SLC35F1: variants seen among roughly 807,000 people sequenced by gnomAD.
SLC35F1 encodes solute carrier family 35 member F1.
In SLC35F1, 14 loss-of-function variants were observed where a neutral mutation model predicts 48.7. The observed-to-expected ratio is 0.29, with a 90% CI of 0.19 to 0.45. The LOEUF is 0.45. Ranked by LOEUF, SLC35F1 falls within the 20% of genes least tolerant of loss-of-function variation. SLC35F1 has a pLI of 1.00. For missense variants in SLC35F1, 404 were observed against 500.0 expected (o/e 0.81, Z 1.83); for synonymous variants, 190 against 202.2 (o/e 0.94, Z 0.51).
intron 2 of SLC35F1, among the ~76,000 whole-genome samples, chr6:118,155,873 C>G (rs1191675765): frequency 6.6e-6 from 1 of 152,132 alleles, no homozygotes; most frequent in African/African-American, 2.4e-5. Context: ...ATGTATAAGA[C>G]TATCAGTATT....
intron 3 of SLC35F1, 119 bp downstream of exon 3, chr6:118,235,755 C>T (rs1054510871): frequency 1.1e-5 from 11 of 972,276 alleles, no homozygotes; most frequent in Non-Finnish European, 1.6e-5. Flanking sequence ...CTATAGTATA[C>T]AGACTGCAGT....
intron 2 of SLC35F1, among the ~76,000 whole-genome samples, chr6:118,188,174 G>A (rs1037347148): frequency 3.9e-5 from 6 of 152,222 alleles, no homozygotes; most frequent in Non-Finnish European, 8.8e-5. Flanking sequence ...CAGATTCTCA[G>A]AAAATTCCTT....
At chr6:118,067,023 A>G (rs569412836) in intron 1 of SLC35F1, among the ~76,000 whole-genome samples, 1 of 152,306 alleles carries the variant, frequency 6.6e-6, no homozygotes, top group African/African-American at 2.4e-5. Flanking sequence ...TTTGAGAAAC[A>G]CTGAACTAGG....
In SLC35F1 at chr6:118,241,578, C is replaced by CGTGTGT. The variant is rs10570595; in HGVS notation, c.477+5967_477+5972dup. ...TTCAGTTTTCATACATTTTTACCTT[C>CGTGTGT]GTGTGTGTGTGTGTGTGTGTGTGTG... On this transcript the variant is annotated intron_variant, in intron 3 of 7. Coordinates refer to ENST00000360388, the MANE Select transcript of SLC35F1 (RefSeq NM_001029858.4). Among the ~76,000 whole-genome samples, 654 of 147,364 alleles carry CGTGTGT rather than the reference C, an allele frequency of 4.4e-3. 3 individuals carry two copies. Among genetic ancestry groups the CGTGTGT allele is most frequent in the East Asian group, 0.02 (101 of 4,968 alleles).
intron 1 of SLC35F1, among the ~76,000 whole-genome samples, chr6:118,099,794 T>A (rs184048472): frequency 7.5e-4 from 114 of 152,312 alleles, no homozygotes; most frequent in African/African-American, 2.7e-3. Context: ...TGTGGTTCGC[T>A]GTAACACATG....
chr6:117,941,724 T>A (rs1776235677), intron 1 of SLC35F1, among the ~76,000 whole-genome samples: 1 of 152,228 alleles, frequency 6.6e-6, no homozygotes, highest in Non-Finnish European at 1.5e-5. Flanking sequence ...TGTTCAAGTA[T>A]CACTAAAAAT....
At chr6:118,167,856 A>G (rs1774341945) in intron 2 of SLC35F1, among the ~76,000 whole-genome samples, 1 of 152,174 alleles carries the variant, frequency 6.6e-6, no homozygotes, top group African/African-American at 2.4e-5. Context: ...CCACCATTGT[A>G]TACACAGTCA....
At chr6:118,180,248 C>T (rs988449464) in intron 2 of SLC35F1, among the ~76,000 whole-genome samples, 2 of 152,044 alleles carry the variant, frequency 1.3e-5, no homozygotes, top group African/African-American at 2.4e-5. Context: ...TACAGATCCT[C>T]TGGAAGAATG....
intron 2 of SLC35F1, among the ~76,000 whole-genome samples, chr6:118,197,184 C>T (rs1294201514): frequency 6.6e-6 from 1 of 152,200 alleles, no homozygotes; most frequent in Non-Finnish European, 1.5e-5. Flanking sequence ...ATTGAATCAG[C>T]TGATTTCCTC....
At chr6:117,978,332 C>T (rs566037290) in intron 1 of SLC35F1, among the ~76,000 whole-genome samples, 1 of 151,264 alleles carries the variant, frequency 6.6e-6, no homozygotes, top group East Asian at 2.0e-4. Flanking sequence ...ATAAATCTTA[C>T]CAGATTACCA....
intron 1 of SLC35F1, among the ~76,000 whole-genome samples, chr6:118,071,180 ATGTGTGTATATACACACATAG>A (rs1772717984): frequency 7.0e-6 from 1 of 143,354 alleles, no homozygotes; most frequent in Non-Finnish European, 1.5e-5. Context: ...TATATATACT[ATGTGTGTATATACACACATAG>A]TATATATATA....
intron 1 of SLC35F1, among the ~76,000 whole-genome samples, chr6:118,131,460 G>C (rs1773711159): frequency 6.6e-6 from 1 of 151,992 alleles, no homozygotes; most frequent in African/African-American, 2.4e-5. Context: ...TAACATTTAG[G>C]TCATTTTCAA....
chr6:118,109,816 C>T (rs1773374644), intron 1 of SLC35F1, among the ~76,000 whole-genome samples: 1 of 152,140 alleles, frequency 6.6e-6, no homozygotes. Context: ...TGCTTAGTGA[C>T]CCAGTGCAGT....
intron 3 of SLC35F1, among the ~76,000 whole-genome samples, chr6:118,261,685 G>A (rs777042684): frequency 6.6e-6 from 1 of 152,110 alleles, no homozygotes; most frequent in Non-Finnish European, 1.5e-5. Flanking sequence ...TTGCAGGAAA[G>A]AGCCAGAGAA....
At chr6:118,092,512 A>T (rs1773090214) in intron 1 of SLC35F1, among the ~76,000 whole-genome samples, 2 of 152,342 alleles carry the variant, frequency 1.3e-5, no homozygotes, top group South Asian at 4.1e-4. Context: ...CCACTGGGGC[A>T]CTGCATAGTA....
At chr6:118,113,719 C>T (rs1773440012) in intron 1 of SLC35F1, among the ~76,000 whole-genome samples, 1 of 152,176 alleles carries the variant, frequency 6.6e-6, no homozygotes, top group African/African-American at 2.4e-5. Flanking sequence ...CTTTCAGTTT[C>T]TTTAACTTTT....
At chr6:118,277,416 T>C in intron 5 of SLC35F1, 78 bp from the exon 6 acceptor site, 1 of 1,277,436 alleles carries the variant, frequency 7.8e-7, no homozygotes, top group South Asian at 1.2e-5. Flanking sequence ...ATCTGATAAG[T>C]GGGGGGGAAA....
intron 2 of SLC35F1, among the ~76,000 whole-genome samples, chr6:118,218,947 G>A (rs1775109091): frequency 6.6e-6 from 1 of 152,138 alleles, no homozygotes; most frequent in South Asian, 2.1e-4. Context: ...CATTTTTCAA[G>A]AAAGACAATT....
intron 3 of SLC35F1, among the ~76,000 whole-genome samples, chr6:118,240,505 G>A (rs1775424689): frequency 6.6e-6 from 1 of 152,166 alleles, no homozygotes; most frequent in Admixed American, 6.5e-5. Flanking sequence ...CACTGTATTA[G>A]GTGGTGAATG....
Sources: gnomAD v4.1 joint callset for allele counts (sites outside exome capture counted in the v4.1 genomes callset) on GRCh38, gnomAD v4.1.1 for gene constraint, MANE v1.5 for transcripts, NCBI Gene and HGNC (gene_info 2026-07-23, HGNC 2026-07-21) for gene names.